Variants in ANKRD31 observed in about 807,000 individuals in gnomAD.
ANKRD31 encodes ankyrin repeat domain 31.
A neutral mutation model predicts 186.0 loss-of-function variants in ANKRD31; 147 were observed. The observed-to-expected ratio is 0.79, with a 90% CI of 0.69 to 0.91. The LOEUF (loss-of-function observed/expected upper bound fraction) is 0.91, where lower values mean the gene tolerates loss of function less well. Among genes scored for constraint, ANKRD31 ranks in the 40% least tolerant of loss-of-function variants. The probability of loss-of-function intolerance (pLI) is 0.00; values close to 1 mark genes in which losing one functional copy is unlikely to be tolerated. For synonymous variants in ANKRD31, 673 were observed against 736.4 expected, an observed-to-expected ratio of 0.91 and a Z score of 1.39; for missense variants, 1,986 against 2,148.8, an observed-to-expected ratio of 0.92 and a Z score of 1.50.
chr5:75,192,623 T>A, intron 9 of ANKRD31, 44 bp downstream of exon 9: 1 of 1,369,148 alleles, frequency 7.3e-7, no homozygotes, highest in Non-Finnish European at 9.9e-7. Flanking sequence ...CTACCAATTC[T>A]GTTTTTGTAA....
intron 25 of ANKRD31, among the ~76,000 whole-genome samples, chr5:75,073,647 T>G (rs1035159465): frequency 6.6e-6 from 1 of 152,224 alleles, no homozygotes; most frequent in African/African-American, 2.4e-5. Context: ...TGTTAAACCT[T>G]TTTTTCCTTT....
At chr5:75,089,716 A>G (rs926868986) in intron 23 of ANKRD31, among the ~76,000 whole-genome samples, 17 of 152,240 alleles carry the variant, frequency 1.1e-4, no homozygotes, top group African/African-American at 4.1e-4. Context: ...TAAAGAAAAT[A>G]AGCCTGTTTA....
chr5:75,129,381 A>G (rs906982230), intron 17 of ANKRD31, among the ~76,000 whole-genome samples: 2 of 152,230 alleles, frequency 1.3e-5, no homozygotes, highest in Non-Finnish European at 2.9e-5. Flanking sequence ...TTTAGCCAAA[A>G]GAAGCCACAT....
intron 23 of ANKRD31, among the ~76,000 whole-genome samples, chr5:75,090,428 G>A (rs528133504): frequency 1.3e-5 from 2 of 152,270 alleles, no homozygotes; most frequent in South Asian, 4.2e-4. Context: ...AGACTTTAGG[G>A]GCACAAAGGG....
At chr5:75,091,725 T>C (rs1745938360) in intron 22 of ANKRD31, among the ~76,000 whole-genome samples, 1 of 152,300 alleles carries the variant, frequency 6.6e-6, no homozygotes, top group Middle Eastern at 3.4e-3. Flanking sequence ...CAGGGCTCCC[T>C]GTTACAGGGC....
chr5:75,074,913 A>T (rs1424780521), intron 25 of ANKRD31, among the ~76,000 whole-genome samples: 1 of 152,188 alleles, frequency 6.6e-6, no homozygotes, highest in Non-Finnish European at 1.5e-5. Context: ...TTCCTTTTTA[A>T]AACTTGAACA....
chr5:75,134,084 C>T (rs4691294), intron 17 of ANKRD31, among the ~76,000 whole-genome samples: 1 of 151,866 alleles, frequency 6.6e-6, no homozygotes, highest in African/African-American at 2.4e-5. Context: ...AATAGACACC[C>T]TAACATCACA....
At chr5:75,129,249 C>T (rs1334842029) in intron 17 of ANKRD31, among the ~76,000 whole-genome samples, 1 of 152,206 alleles carries the variant, frequency 6.6e-6, no homozygotes, top group Non-Finnish European at 1.5e-5. Context: ...CCTGAGGTCT[C>T]CTCAGTCATG....
At position 75,188,488 on chromosome 5, in the gene ANKRD31, C is replaced by T. The variant is rs911087375; in HGVS notation, c.1564+5G>A. On this transcript the variant is annotated splice_donor_5th_base_variant and intron_variant, in intron 10 of 25. Coordinates refer to ENST00000506364, the MANE Select transcript of ANKRD31 (RefSeq NM_001372053.1). ...AGGTAACTGTGGGTGGTAATCCTAACTTACCAGCATAACTTGGCTGATTAA... is the reference window on the plus strand; with the variant it reads ...AGGTAACTGTGGGTGGTAATCCTAATTTACCAGCATAACTTGGCTGATTAA... The T allele has an allele frequency of 2.0e-6, 3 of 1,533,340 alleles. No homozygotes were observed. Among genetic ancestry groups the T allele is most frequent in the South Asian group, 1.2e-5 (1 of 83,090 alleles). The allele number at this position is 1,533,340 out of a possible 1,614,324, so 95.0% of individuals were successfully genotyped here. A position where few individuals can be genotyped will look rare whatever the true frequency, so the allele number is the denominator to read the frequency against.
chr5:75,157,817 T>C (rs1225292019), intron 11 of ANKRD31, among the ~76,000 whole-genome samples: 3 of 152,138 alleles, frequency 2.0e-5, no homozygotes, highest in African/African-American at 7.2e-5. Flanking sequence ...CATCTTAGAC[T>C]GAAAGAGAGA....
intron 3 of ANKRD31, among the ~76,000 whole-genome samples, chr5:75,216,826 A>T (rs1426090188): frequency 1.3e-5 from 2 of 151,996 alleles, no homozygotes; most frequent in Non-Finnish European, 1.5e-5. Flanking sequence ...TTAAAAAAAA[A>T]TTGAGATCTT....
At chr5:75,199,278 A>G (rs1755660102) in intron 6 of ANKRD31, among the ~76,000 whole-genome samples, 1 of 152,190 alleles carries the variant, frequency 6.6e-6, no homozygotes, top group South Asian at 2.1e-4. Context: ...AGCCAGTCCT[A>G]TAGTCCTCTG....
intron 25 of ANKRD31, among the ~76,000 whole-genome samples, chr5:75,077,912 A>G (rs992603994): frequency 1.4e-5 from 2 of 145,190 alleles, no homozygotes; most frequent in African/African-American, 5.2e-5. Flanking sequence ...GGCCTGGGCG[A>G]AAGAGCGAGA....
At position 75,179,882 on chromosome 5, in the gene ANKRD31, G is replaced by C. The variant is rs573694188; in HGVS notation, c.1564+8611C>G. Among the ~76,000 whole-genome samples, 5 of 152,220 alleles carry C rather than the reference G, an allele frequency of 3.3e-5. No homozygotes were observed. In the South Asian group the frequency reaches 1.0e-3, roughly 32 times the overall value. ...AACATACTTTTGGAAGTTCTGGCCA[G>C]GGCAATCAGGCAGGAGAAGGAAATA... On this transcript the variant is annotated intron_variant, in intron 10 of 25. Coordinates refer to ENST00000506364, the MANE Select transcript of ANKRD31 (RefSeq NM_001372053.1).
chr5:75,131,378 A>G (rs955566975), intron 17 of ANKRD31, among the ~76,000 whole-genome samples: 1 of 152,150 alleles, frequency 6.6e-6, no homozygotes, highest in East Asian at 1.9e-4. Context: ...TGCATGGGTC[A>G]GAGGGTCCCA....
intron 10 of ANKRD31, among the ~76,000 whole-genome samples, chr5:75,184,860 A>G (rs1462901112): frequency 6.6e-6 from 1 of 152,194 alleles, no homozygotes; most frequent in African/African-American, 2.4e-5. Context: ...ACTACTTGGT[A>G]TATATCCAAA....
intron 25 of ANKRD31, 45 bp downstream of exon 25, chr5:75,080,523 C>A: frequency 7.5e-7 from 1 of 1,328,526 alleles, no homozygotes; most frequent in Non-Finnish European, 1.0e-6. Flanking sequence ...AGAATCTAAA[C>A]ACTTATAAAA....
chr5:75,114,983 C>G (rs1748093661), intron 19 of ANKRD31, among the ~76,000 whole-genome samples: 1 of 152,172 alleles, frequency 6.6e-6, no homozygotes, highest in South Asian at 2.1e-4. Context: ...AAACTGGAGG[C>G]ATCACACTAC....
chr5:75,166,041 C>G (rs1241455878), intron 11 of ANKRD31, among the ~76,000 whole-genome samples: 1 of 152,104 alleles, frequency 6.6e-6, no homozygotes, highest in African/African-American at 2.4e-5. Flanking sequence ...GGTTTGGGCT[C>G]AAGTATTTAT....
Sources: gnomAD v4.1 joint callset for allele counts (sites outside exome capture counted in the v4.1 genomes callset) on GRCh38, gnomAD v4.1.1 for gene constraint, MANE v1.5 for transcripts, NCBI Gene and HGNC (gene_info 2026-07-23, HGNC 2026-07-21) for gene names.